Variants in FBXW4 observed in about 807,000 individuals in gnomAD.
FBXW4 encodes the protein F-box/WD repeat-containing protein 4.
A neutral mutation model predicts 61.8 loss-of-function variants in FBXW4; 40 were observed. That is an observed-to-expected ratio of 0.65 (90% confidence interval 0.50 to 0.84). The LOEUF (loss-of-function observed/expected upper bound fraction) is 0.84, where lower values mean the gene tolerates loss of function less well. FBXW4 is among the 40% of genes least tolerant of loss of function. FBXW4 has a pLI of 0.00. For missense variants in FBXW4, 672 were observed against 753.8 expected (o/e 0.89, Z 1.27); for synonymous variants, 311 against 313.8 (o/e 0.99, Z 0.10).
intron 1 of FBXW4, among the ~76,000 whole-genome samples, chr10:101,681,388 CAA>C (rs769305940): frequency 8.9e-5 from 12 of 134,192 alleles, no homozygotes; most frequent in African/African-American, 3.1e-4. Context: ...AACTCCGTCT[CAA>C]AAAAAAAAAA....
chr10:101,691,639 T>G (rs2064604952), intron 1 of FBXW4, among the ~76,000 whole-genome samples: 1 of 152,130 alleles, frequency 6.6e-6, no homozygotes, highest in African/African-American at 2.4e-5. Flanking sequence ...CATTTGAAAA[T>G]AAACATCAAT....
At chr10:101,632,659 T>C (rs755561480) in intron 5 of FBXW4, among the ~76,000 whole-genome samples, 1 of 152,200 alleles carries the variant, frequency 6.6e-6, no homozygotes, top group Non-Finnish European at 1.5e-5. Flanking sequence ...AGTTCATTCA[T>C]CCTATTGAAT....
At chr10:101,683,695 T>A (rs1034438251) in intron 1 of FBXW4, among the ~76,000 whole-genome samples, 2 of 152,076 alleles carry the variant, frequency 1.3e-5, no homozygotes, top group Non-Finnish European at 2.9e-5. Context: ...TTAAACAACA[T>A]AATCTCTGAG....
chr10:101,660,203 T>A (rs988727041), intron 5 of FBXW4: 6 of 985,308 alleles, frequency 6.1e-6, no homozygotes, highest in Non-Finnish European at 7.2e-6. Flanking sequence ...AACACCGACA[T>A]CCTGACTATT....
chr10:101,624,882 A>T, intron 5 of FBXW4, 72 bp from the exon 6 acceptor site: 4 of 1,516,824 alleles, frequency 2.6e-6, no homozygotes, highest in Non-Finnish European at 3.7e-6. Flanking sequence ...TAACAATGGG[A>T]AATGCCGTGC....
intron 4 of FBXW4, among the ~76,000 whole-genome samples, chr10:101,668,582 T>C (rs963774475): frequency 1.3e-5 from 2 of 152,164 alleles, no homozygotes; most frequent in Admixed American, 1.3e-4. Context: ...TAACACCTAG[T>C]GTCACCAAAA....
intron 5 of FBXW4, among the ~76,000 whole-genome samples, chr10:101,639,045 T>C (rs2064028233): frequency 6.6e-6 from 1 of 152,240 alleles, no homozygotes; most frequent in Non-Finnish European, 1.5e-5. Flanking sequence ...GCTCCATTTG[T>C]AGAGGAGTGC....
intron 1 of FBXW4, among the ~76,000 whole-genome samples, chr10:101,686,454 T>G (rs950745311): frequency 6.6e-6 from 1 of 152,132 alleles, no homozygotes; most frequent in African/African-American, 2.4e-5. Flanking sequence ...TAGTACTTTC[T>G]AAAAATGAAC....
chr10:101,663,921 C>T lies in FBXW4; in HGVS notation c.1235+3965G>A, dbSNP rs1418054772. Reference sequence around the variant, plus strand: ...TCATGAATCTTAAAAACAGGATTACCGGTGTTGAACAATAAGATGGGTAGA... The same window carrying T: ...TCATGAATCTTAAAAACAGGATTACTGGTGTTGAACAATAAGATGGGTAGA... On this transcript the variant is annotated intron_variant, in intron 5 of 8. Transcript: ENST00000331272. 5.3e-5 allele frequency among the ~76,000 whole-genome samples: 8 copies of T among 152,096 alleles called. 1 individual carries two copies. Among genetic ancestry groups the T allele is most frequent in the Admixed American group, 2.6e-4 (4 of 15,268 alleles).
chr10:101,658,762 A>G (rs915829839), intron 5 of FBXW4, among the ~76,000 whole-genome samples: 2 of 152,014 alleles, frequency 1.3e-5, no homozygotes, highest in African/African-American at 4.8e-5. Flanking sequence ...TTTTTTACTC[A>G]TTCTCATTAG....
intron 2 of FBXW4, among the ~76,000 whole-genome samples, chr10:101,675,955 T>G (rs1361242726): frequency 6.6e-6 from 1 of 152,186 alleles, no homozygotes; most frequent in Non-Finnish European, 1.5e-5. Flanking sequence ...AAGATTTAAA[T>G]AAAAATATTT....
chr10:101,655,306 T>A (rs17696674), intron 5 of FBXW4, among the ~76,000 whole-genome samples: 13,049 of 152,302 alleles, frequency 0.086, 634 homozygotes, highest in African/African-American at 0.13. Context: ...CCTCTTTTTA[T>A]TCTTGAACTC....
chr10:101,636,588 CT>C (rs148076154), intron 5 of FBXW4, among the ~76,000 whole-genome samples: 37,347 of 143,432 alleles, frequency 0.26, 4,824 homozygotes, highest in Non-Finnish European at 0.3. Context: ...TGATTACTAT[CT>C]TTTTTTTTTT....
At chr10:101,630,689 C>T (rs886117285) in intron 5 of FBXW4, among the ~76,000 whole-genome samples, 1 of 152,150 alleles carries the variant, frequency 6.6e-6, no homozygotes, top group Non-Finnish European at 1.5e-5. Flanking sequence ...AACAGGAGGT[C>T]AACAGAAGTC....
intron 1 of FBXW4, among the ~76,000 whole-genome samples, chr10:101,691,536 C>T (rs1390797752): frequency 1.3e-5 from 2 of 152,202 alleles, no homozygotes; most frequent in Admixed American, 1.3e-4. Context: ...TTGGCAATCT[C>T]AAAGCATTTT....
At position 101,694,229 on chromosome 10, in the gene FBXW4, T is replaced by G; in HGVS notation, c.725+152A>C. ...GGAGGGGCAAAGGGGTCCCCGAGAG[T>G]GCTCGGGAAAGGGTGTAGGCGGAGG... On this transcript the variant is annotated intron_variant, in intron 1 of 8. Coordinates refer to ENST00000331272, the MANE Select transcript of FBXW4 (RefSeq NM_022039.4). This position sits in a 1 kb window ranked among gnomAD's most constrained non-coding sequence, Gnocchi z 6.0. The G allele has an allele frequency of 1.4e-6, 1 of 695,248 alleles. No individual in the cohort carries two copies. Among genetic ancestry groups the G allele is most frequent in the South Asian group, 4.5e-5 (1 of 22,030 alleles). The allele number at this position is 695,248 out of a possible 1,614,324, so 43.1% of individuals were successfully genotyped here.
At chr10:101,679,881 A>AC (rs923443591) in intron 1 of FBXW4, among the ~76,000 whole-genome samples, 3 of 151,074 alleles carry the variant, frequency 2.0e-5, no homozygotes, top group African/African-American at 7.3e-5. Context: ...TCTATCACTT[A>AC]CCCCCCCACC....
intron 1 of FBXW4, among the ~76,000 whole-genome samples, chr10:101,690,216 G>A (rs2064581108): frequency 6.6e-6 from 1 of 152,138 alleles, no homozygotes; most frequent in Non-Finnish European, 1.5e-5. Context: ...CTGTCATAAT[G>A]TCTACTTCTT....
chr10:101,656,204 G>A (rs551508286), intron 5 of FBXW4, among the ~76,000 whole-genome samples: 1 of 152,292 alleles, frequency 6.6e-6, no homozygotes, highest in African/African-American at 2.4e-5. Flanking sequence ...TCAGCAGCTA[G>A]AAAGAAACCA....
Sources: gnomAD v4.1 joint callset for allele counts (sites outside exome capture counted in the v4.1 genomes callset) on GRCh38, gnomAD v4.1.1 for gene constraint, Gnocchi (gnomAD v3.1) non-coding constraint, MANE v1.5 for transcripts, NCBI Gene and HGNC (gene_info 2026-07-23, HGNC 2026-07-21) for gene names.